DNER: variants seen among roughly 807,000 people sequenced by gnomAD.
DNER encodes delta and Notch-like epidermal growth factor-related receptor.
Under a neutral mutation model 78.2 loss-of-function variants are expected in DNER, and 33 were observed. The ratio of observed to expected loss-of-function variants is 0.42; its 90% confidence interval spans 0.32 to 0.56. The LOEUF (loss-of-function observed/expected upper bound fraction) is 0.56, where lower values mean the gene tolerates loss of function less well. DNER is among the 20% of genes least tolerant of loss of function. DNER has a pLI of 0.11. For missense variants in DNER, 918 were observed against 975.3 expected, an observed-to-expected ratio of 0.94 and a Z score of 0.78; for synonymous variants, 417 against 384.8, an observed-to-expected ratio of 1.08 and a Z score of -0.98.
At chr2:229,646,109 C>G (rs549827075) in intron 1 of DNER, among the ~76,000 whole-genome samples, 35 of 152,198 alleles carry the variant, frequency 2.3e-4, no homozygotes, top group Non-Finnish European at 4.6e-4. Flanking sequence ...CTCTGTATTT[C>G]TCTCCTTTCC....
chr2:229,662,243 C>T (rs1249228395), intron 1 of DNER, among the ~76,000 whole-genome samples: 1 of 152,196 alleles, frequency 6.6e-6, no homozygotes, highest in Non-Finnish European at 1.5e-5. Context: ...TCCAAGGCCA[C>T]TTCACCCATT....
intron 1 of DNER, among the ~76,000 whole-genome samples, chr2:229,621,659 C>T (rs1698253276): frequency 6.6e-6 from 1 of 152,218 alleles, no homozygotes; most frequent in East Asian, 1.9e-4. Context: ...TTCCCACATG[C>T]TCCCAACAGG....
At chr2:229,629,568 T>C (rs1459760244) in intron 1 of DNER, among the ~76,000 whole-genome samples, 2 of 152,156 alleles carry the variant, frequency 1.3e-5, no homozygotes, top group African/African-American at 2.4e-5. Context: ...GAGCAATACA[T>C]GGAGTCAAGT....
intron 1 of DNER, among the ~76,000 whole-genome samples, chr2:229,626,980 CTG>C (rs924856509): frequency 6.6e-6 from 1 of 152,220 alleles, no homozygotes; most frequent in Non-Finnish European, 1.5e-5. Context: ...CGTTGGAAAA[CTG>C]AGGTCAAGGG....
chr2:229,512,875 G>A lies in DNER; in HGVS notation c.1055C>T (p.Ala352Val). The change falls in exon 6 of 13, where the codon GCT becomes GTT. Residue 352 changes from alanine to valine, a missense_variant. Transcript: ENST00000341772. The stretch of plus-strand genomic sequence containing the variant: ...GTTTTGGCAAGGTTTCCTCTGGCAA[G>A]CATCGTATTCTTCACAGAAAGTACC... ...YVGTFCEEYD[A>V]CQRKPCQNNA... is the part of the protein sequence containing the mutation. The A allele has an allele frequency of 6.2e-7, 1 of 1,614,158 alleles. No individual in the cohort carries two copies. Among genetic ancestry groups the A allele is most frequent in the East Asian group, 2.2e-5 (1 of 44,876 alleles).
At chr2:229,369,339 A>AAAAAGTTTTAACTTTCTAAAAAGTTAAAG in intron 11 of DNER, among the ~76,000 whole-genome samples, 1 of 149,638 alleles carries the variant, frequency 6.7e-6, no homozygotes, top group Non-Finnish European at 1.5e-5. Context: ...AAAAGTTAAA[A>AAAAAGTTTTAACTTTCTAAAAAGTTAAAG]AAAAGTTTTA....
chr2:229,687,961 T>G (rs528500133), intron 1 of DNER, among the ~76,000 whole-genome samples: 1 of 152,330 alleles, frequency 6.6e-6, no homozygotes, highest in Admixed American at 6.5e-5. Context: ...GGCCAGCAAG[T>G]GTTTGGCAAG....
At chr2:229,405,921 T>C (rs1693370407) in intron 10 of DNER, among the ~76,000 whole-genome samples, 1 of 152,200 alleles carries the variant, frequency 6.6e-6, no homozygotes, top group Non-Finnish European at 1.5e-5. Flanking sequence ...CTAATATTAT[T>C]TTTGCCTCCA....
At chr2:229,381,372 G>A (rs1001528608) in intron 11 of DNER, among the ~76,000 whole-genome samples, 1 of 152,174 alleles carries the variant, frequency 6.6e-6, no homozygotes, top group Admixed American at 6.5e-5. Flanking sequence ...TGAGCTAGCT[G>A]CAGGAGTACT....
chr2:229,705,266 A>AAAT (rs1699808613), intron 1 of DNER, among the ~76,000 whole-genome samples: 1 of 152,218 alleles, frequency 6.6e-6, no homozygotes, highest in Non-Finnish European at 1.5e-5. Context: ...CTTTATATTA[A>AAAT]CTACAAGGAC....
intron 11 of DNER, among the ~76,000 whole-genome samples, chr2:229,372,422 C>T (rs775612170): frequency 1.1e-4 from 16 of 152,136 alleles, no homozygotes; most frequent in Non-Finnish European, 2.2e-4. Context: ...AGAGGGGAGA[C>T]TGCACAGGCA....
chr2:229,543,321 A>T (rs980338452), intron 5 of DNER, among the ~76,000 whole-genome samples: 4 of 152,122 alleles, frequency 2.6e-5, no homozygotes, highest in Non-Finnish European at 5.9e-5. Flanking sequence ...GGTGCTAAAC[A>T]CCTACCTCTA....
At chr2:229,376,345 C>A (rs1341763541) in intron 11 of DNER, among the ~76,000 whole-genome samples, 1 of 152,106 alleles carries the variant, frequency 6.6e-6, no homozygotes, top group Non-Finnish European at 1.5e-5. Flanking sequence ...TGCCAGAAGG[C>A]CCTATCTATG....
At chr2:229,539,703 G>A (rs535200859) in intron 5 of DNER, among the ~76,000 whole-genome samples, 30 of 152,272 alleles carry the variant, frequency 2.0e-4, no homozygotes, top group African/African-American at 7.2e-4. Context: ...AAAGCACCAT[G>A]CTAGTTGTTA....
intron 7 of DNER, among the ~76,000 whole-genome samples, chr2:229,449,360 T>C (rs549358023): frequency 6.6e-6 from 1 of 152,338 alleles, no homozygotes; most frequent in African/African-American, 2.4e-5. Flanking sequence ...TTTTAGACAA[T>C]AAAATAATTT....
At chr2:229,479,024 T>C (rs1432752348) in intron 6 of DNER, among the ~76,000 whole-genome samples, 2 of 152,164 alleles carry the variant, frequency 1.3e-5, no homozygotes, top group Non-Finnish European at 2.9e-5. Context: ...TTCCATGTAT[T>C]CTCATCATTC....
intron 8 of DNER, among the ~76,000 whole-genome samples, chr2:229,423,809 A>C (rs1693814449): frequency 1.3e-5 from 2 of 152,210 alleles, no homozygotes; most frequent in Admixed American, 6.5e-5. Flanking sequence ...TCACTTCCTC[A>C]GATAGTTTTC....
chr2:229,608,362 G>C lies in DNER; in HGVS notation c.277-16474C>G, dbSNP rs138804684. Among the ~76,000 whole-genome samples, 1,108 of 152,252 alleles carry C rather than the reference G, an allele frequency of 7.3e-3. 14 individuals carry two copies. The highest frequency in any genetic ancestry group is 0.026 in the African/African-American group (1,062 of 41,522). On this transcript the variant is annotated intron_variant, in intron 1 of 12. Transcript: ENST00000341772. ...AGTTGAGTAGTTGCAACAGACATGT[G>C]ACCCACAACGCCTAAACTATTTACT...
intron 4 of DNER, among the ~76,000 whole-genome samples, chr2:229,564,553 C>T (rs572877143): frequency 1.4e-5 from 2 of 145,634 alleles, no homozygotes; most frequent in African/African-American, 5.2e-5. Flanking sequence ...CATCCTCACC[C>T]CATTACCATC....
Sources: gnomAD v4.1 joint callset for allele counts (sites outside exome capture counted in the v4.1 genomes callset) on GRCh38, gnomAD v4.1.1 for gene constraint, MANE v1.5 for transcripts, NCBI Gene and HGNC (gene_info 2026-07-23, HGNC 2026-07-21) for gene names.